GPC6: variants seen among roughly 807,000 people sequenced by gnomAD.
GPC6 encodes the protein glypican-6.
GPC6 carries 14 observed loss-of-function variants against 55.2 expected under a neutral mutation model. That is an observed-to-expected ratio of 0.25 (90% confidence interval 0.17 to 0.40). The LOEUF is 0.40. Ranked by LOEUF, GPC6 falls within the 10% of genes least tolerant of loss-of-function variation. GPC6 has a pLI of 1.00. For missense variants in GPC6, 641 were observed against 708.5 expected, an observed-to-expected ratio of 0.90 and a Z score of 1.08; for synonymous variants, 278 against 259.6, an observed-to-expected ratio of 1.07 and a Z score of -0.68.
intron 4 of GPC6, among the ~76,000 whole-genome samples, chr13:94,123,584 A>G (rs1259283512): frequency 6.6e-6 from 1 of 152,098 alleles, no homozygotes; most frequent in African/African-American, 2.4e-5. Flanking sequence ...ATCATGAGAT[A>G]ACATCTTATT....
intron 3 of GPC6, among the ~76,000 whole-genome samples, chr13:93,912,462 G>T (rs1289124154): frequency 6.6e-6 from 1 of 152,032 alleles, no homozygotes; most frequent in Non-Finnish European, 1.5e-5. Flanking sequence ...AGACAAATTC[G>T]GCCGGGTGCA....
intron 7 of GPC6, among the ~76,000 whole-genome samples, chr13:94,387,730 TTCTCTCTCTC>T (rs3044333): frequency 1.7e-4 from 24 of 141,154 alleles, no homozygotes; most frequent in African/African-American, 1.6e-4. Flanking sequence ...AGACATGAGT[TTCTCTCTCTC>T]TCTCTCTCTC....
At chr13:93,412,964 C>T (rs1043930633) in intron 1 of GPC6, among the ~76,000 whole-genome samples, 1 of 152,050 alleles carries the variant, frequency 6.6e-6, no homozygotes, top group Non-Finnish European at 1.5e-5. Flanking sequence ...TATCTGGAAA[C>T]CTGCCTAGAT....
chr13:93,353,828 A>G (rs1286679870), intron 1 of GPC6, among the ~76,000 whole-genome samples: 1 of 152,216 alleles, frequency 6.6e-6, no homozygotes, highest in East Asian at 1.9e-4. Context: ...ATTTGGATGT[A>G]AATATTCACC....
At chr13:93,780,097 T>A (rs1423897604) in intron 2 of GPC6, among the ~76,000 whole-genome samples, 2 of 152,150 alleles carry the variant, frequency 1.3e-5, no homozygotes, top group Non-Finnish European at 2.9e-5. Context: ...TCCAATAATT[T>A]TTAATTATAC....
intron 1 of GPC6, among the ~76,000 whole-genome samples, chr13:93,453,090 C>G (rs7317616): frequency 0.29 from 43,584 of 152,084 alleles, 6,358 homozygotes; most frequent in East Asian, 0.36. Context: ...ATCCATGGAG[C>G]CTTCAAAACA....
chr13:93,365,489 C>G (rs1238427631), intron 1 of GPC6, among the ~76,000 whole-genome samples: 2 of 152,126 alleles, frequency 1.3e-5, no homozygotes, highest in African/African-American at 4.8e-5. Flanking sequence ...CATTCTTTTC[C>G]AACCTGCTTG....
chr13:93,757,287 G>A lies in GPC6; in HGVS notation c.320-72867G>A, dbSNP rs374711681. Among the ~76,000 whole-genome samples, 5 of 152,230 alleles carry A rather than the reference G, an allele frequency of 3.3e-5. No homozygotes were observed. In the East Asian group the frequency reaches 7.8e-4, roughly 24 times the overall value. The stretch of plus-strand genomic sequence containing the variant: ...GTCTGTGAATTCACAGTGGGAATGG[G>A]AGATTGGAGCTTCTATTGCACAGGC... On this transcript the variant is annotated intron_variant, in intron 2 of 8. Transcript: ENST00000377047.
chr13:93,505,149 G>T (rs535034245), intron 1 of GPC6, among the ~76,000 whole-genome samples: 8 of 152,280 alleles, frequency 5.3e-5, no homozygotes, highest in African/African-American at 1.9e-4. Context: ...GCCATGTTAT[G>T]GTGATACAAT....
chr13:93,278,880 T>C (rs1877852110), intron 1 of GPC6, among the ~76,000 whole-genome samples: 1 of 152,164 alleles, frequency 6.6e-6, no homozygotes, highest in Non-Finnish European at 1.5e-5. Context: ...TGTGAGATGA[T>C]GGATATGTAA....
At chr13:94,115,747 G>A (rs1279896045) in intron 4 of GPC6, among the ~76,000 whole-genome samples, 1 of 152,042 alleles carries the variant, frequency 6.6e-6, no homozygotes, top group East Asian at 1.9e-4. Flanking sequence ...GCTTGATGAA[G>A]GATATTTATA....
chr13:93,587,644 C>G (rs923396900), intron 2 of GPC6, among the ~76,000 whole-genome samples: 1 of 151,978 alleles, frequency 6.6e-6, no homozygotes, highest in African/African-American at 2.4e-5. Flanking sequence ...GATTTTTAGG[C>G]AAAAATTCCG....
Position 93,569,972 on chromosome 13 carries a change from A to C in GPC6, c.319+24551A>C, listed in dbSNP as rs569715143. On this transcript the variant is annotated intron_variant, in intron 2 of 8. Transcript: ENST00000377047. ...CATGATATTAATTGAATCGGTCATT[A>C]CTCATTGTTAATCTCTTGACTATCT... Among the ~76,000 whole-genome samples the C allele has an allele frequency of 2.0e-5, 3 of 152,180 alleles. No individual in the cohort carries two copies. In the South Asian group the frequency reaches 6.2e-4, roughly 32 times the overall value.
At chr13:93,757,029 G>T (rs192077748) in intron 2 of GPC6, among the ~76,000 whole-genome samples, 44 of 152,182 alleles carry the variant, frequency 2.9e-4, no homozygotes, top group Admixed American at 1.9e-3. Context: ...AACCCTTTAT[G>T]ACTCCCTTGT....
intron 4 of GPC6, among the ~76,000 whole-genome samples, chr13:94,104,829 A>G (rs756072343): frequency 2.0e-5 from 3 of 152,194 alleles, no homozygotes; most frequent in Non-Finnish European, 4.4e-5. Flanking sequence ...ACACAAACAA[A>G]TGGAAGAACA....
intron 4 of GPC6, among the ~76,000 whole-genome samples, chr13:94,119,805 G>A (rs1024568712): frequency 1.1e-4 from 17 of 152,172 alleles, no homozygotes; most frequent in Admixed American, 1.1e-3. Context: ...GGGAATGAAG[G>A]GGAAGAGATT....
chr13:93,908,525 A>G (rs1324806048), intron 3 of GPC6, among the ~76,000 whole-genome samples: 1 of 152,152 alleles, frequency 6.6e-6, no homozygotes, highest in Non-Finnish European at 1.5e-5. Flanking sequence ...TAGCATTTAC[A>G]CTTGTTTGTG....
chr13:93,627,921 T>C (rs935821708), intron 2 of GPC6, among the ~76,000 whole-genome samples: 1 of 152,216 alleles, frequency 6.6e-6, no homozygotes, highest in Non-Finnish European at 1.5e-5. Flanking sequence ...CATACTTAAC[T>C]GAACAGTTGT....
At chr13:94,165,059 G>C (rs1888308041) in intron 4 of GPC6, among the ~76,000 whole-genome samples, 1 of 151,464 alleles carries the variant, frequency 6.6e-6, no homozygotes, top group Admixed American at 6.6e-5. Context: ...TCTTCCCAGA[G>C]GAAAAAAAGT....
Sources: gnomAD v4.1 joint callset for allele counts (sites outside exome capture counted in the v4.1 genomes callset) on GRCh38, gnomAD v4.1.1 for gene constraint, MANE v1.5 for transcripts, NCBI Gene and HGNC (gene_info 2026-07-23, HGNC 2026-07-21) for gene names.